Variants in ABCB1 observed in about 807,000 individuals in gnomAD.
ABCB1 encodes ATP-dependent translocase ABCB1.
In ABCB1, 69 loss-of-function variants were observed where a neutral mutation model predicts 142.0. The ratio of observed to expected loss-of-function variants is 0.49; its 90% CI spans 0.40 to 0.59. The LOEUF is 0.59. ABCB1 is among the 20% of genes least tolerant of loss of function. The pLI, the probability that ABCB1 is intolerant of heterozygous loss-of-function variation, is 0.00. For missense variants in ABCB1, 1,326 were observed against 1,554.7 expected, an observed-to-expected ratio of 0.85 and a Z score of 2.47; for synonymous variants, 532 against 539.2, an observed-to-expected ratio of 0.99 and a Z score of 0.18.
At chr7:87,641,684 A>T (rs982935513) in intron 1 of ABCB1, among the ~76,000 whole-genome samples, 1 of 152,212 alleles carries the variant, frequency 6.6e-6, no homozygotes, top group East Asian at 1.9e-4. Context: ...TTCAAAAACA[A>T]ATCCTCCAAA....
intron 1 of ABCB1, among the ~76,000 whole-genome samples, chr7:87,673,039 G>C (rs1585061229): frequency 6.6e-6 from 1 of 152,136 alleles, no homozygotes; most frequent in East Asian, 1.9e-4. Flanking sequence ...GCTGCATTTA[G>C]GACCCCAAAC....
Position 87,690,668 on chromosome 7 carries a change from C to T in ABCB1, c.-331+22493G>A, listed in dbSNP as rs544668991. On this transcript the variant is annotated intron_variant, in intron 1 of 28. Coordinates refer to the ABCB1 transcript ENST00000265724. ...TGTTGCTTCGCTGAAAAATTTTCCTCCTATGTAAATACAAAGTGAAAGATT... is the reference window on the plus strand; with the variant it reads ...TGTTGCTTCGCTGAAAAATTTTCCTTCTATGTAAATACAAAGTGAAAGATT... Among the ~76,000 whole-genome samples the T allele has an allele frequency of 4.6e-5, 7 of 152,176 alleles. No individual in the cohort carries two copies. The East Asian group carries it at 1.4e-3, about 29-fold the overall frequency.
At chr7:87,506,083 A>G (rs1814724376) in intron 26 of ABCB1, 40 bp from the exon 27 acceptor site, 2 of 1,597,274 alleles carry the variant, frequency 1.3e-6, no homozygotes, top group Non-Finnish European at 1.7e-6. Context: ...TAGAACTGAA[A>G]GTAAAGTTCT....
chr7:87,516,779 CA>C, intron 23 of ABCB1, 114 bp from the exon 24 acceptor site: 1 of 1,126,220 alleles, frequency 8.9e-7, no homozygotes, highest in Non-Finnish European at 1.2e-6. Context: ...CTGTGTTGCC[CA>C]GGCTGGAGTG....
chr7:87,616,378 G>T (rs939461082), intron 1 of ABCB1, among the ~76,000 whole-genome samples: 1 of 152,184 alleles, frequency 6.6e-6, no homozygotes, highest in African/African-American at 2.4e-5. Context: ...GGGGAAATAT[G>T]TGATAAGAAG....
At chr7:87,529,513 T>C (rs926661893) in intron 21 of ABCB1, among the ~76,000 whole-genome samples, 1 of 152,158 alleles carries the variant, frequency 6.6e-6, no homozygotes, top group Non-Finnish European at 1.5e-5. Flanking sequence ...TATCCACACA[T>C]AATTCATTTC....
chr7:87,620,009 T>G (rs1445587476), intron 1 of ABCB1, among the ~76,000 whole-genome samples: 1 of 152,174 alleles, frequency 6.6e-6, no homozygotes, highest in African/African-American at 2.4e-5. Flanking sequence ...TTGTGGATTA[T>G]TGAGGGAACA....
intron 4 of ABCB1, among the ~76,000 whole-genome samples, chr7:87,584,353 G>A (rs1401579562): frequency 2.6e-5 from 4 of 152,118 alleles, no homozygotes. Context: ...AAGTTGAAAG[G>A]TCCTTGTAAG....
intron 25 of ABCB1, among the ~76,000 whole-genome samples, chr7:87,511,845 T>A (rs1335736584): frequency 6.6e-6 from 1 of 152,172 alleles, no homozygotes. Context: ...CAGCTTCTAA[T>A]TGTATCCCAA....
chr7:87,700,571 A>C (rs1828942749), intron 1 of ABCB1: 1 of 1,593,098 alleles, frequency 6.3e-7, no homozygotes, highest in African/African-American at 1.4e-5. Flanking sequence ...CATTGGTCAG[A>C]GACTCGTTTC....
upstream of ABCB1, among the ~76,000 whole-genome samples, chr7:87,601,566 T>C (rs776454009): frequency 2.6e-5 from 4 of 152,262 alleles, no homozygotes; most frequent in Non-Finnish European, 4.4e-5. Context: ...AAACATAGCA[T>C]GTTTTAGCAT....
Position 87,549,703 on chromosome 7 carries a change from G to A in ABCB1, c.1554+148C>T, listed in dbSNP as rs560160943. ...AATGTATCTACGACCAGTTGATACT[G>A]CTAGAGCTTTCAAATCTGAAGTAAT... On this transcript the variant is annotated intron_variant, in intron 13 of 27. Coordinates refer to ENST00000622132, the MANE Select transcript of ABCB1 (RefSeq NM_001348946.2). 27 of 1,298,502 alleles carry A rather than the reference G, an allele frequency of 2.1e-5. No homozygotes were observed. In the East Asian group the frequency reaches 3.9e-4, roughly 19 times the overall value. The allele number at this position is 1,298,502 out of a possible 1,614,324, so 80.4% of individuals were successfully genotyped here.
At chr7:87,637,920 A>G (rs1346714779) in intron 1 of ABCB1, among the ~76,000 whole-genome samples, 1 of 152,000 alleles carries the variant, frequency 6.6e-6, no homozygotes, top group East Asian at 1.9e-4. Flanking sequence ...ACTGGCTAGG[A>G]CCACTAATGC....
At chr7:87,506,470 A>G (rs1437784261) in intron 26 of ABCB1, among the ~76,000 whole-genome samples, 1 of 152,218 alleles carries the variant, frequency 6.6e-6, no homozygotes, top group South Asian at 2.1e-4. Flanking sequence ...AATTGAGGAA[A>G]GACATTCTTG....
chr7:87,542,551 C>T (rs1451251427), intron 17 of ABCB1, among the ~76,000 whole-genome samples: 2 of 152,196 alleles, frequency 1.3e-5, no homozygotes, highest in Non-Finnish European at 2.9e-5. Flanking sequence ...TATCCCAGCC[C>T]TGGGTCACTT....
intron 25 of ABCB1, among the ~76,000 whole-genome samples, chr7:87,514,712 A>T (rs1405648152): frequency 6.6e-6 from 1 of 152,142 alleles, no homozygotes; most frequent in Non-Finnish European, 1.5e-5. Flanking sequence ...TCCCCTAATC[A>T]TACTTCAGCC....
At chr7:87,585,458 G>A in intron 4 of ABCB1, 54 bp downstream of exon 4, 1 of 1,576,886 alleles carries the variant, frequency 6.3e-7, no homozygotes, top group Non-Finnish European at 8.7e-7. Flanking sequence ...ATCACTCTAA[G>A]TGCTTGTTTT....
intron 1 of ABCB1, among the ~76,000 whole-genome samples, chr7:87,679,525 G>T (rs190560115): frequency 6.7e-6 from 1 of 149,974 alleles, no homozygotes; most frequent in Non-Finnish European, 1.5e-5. Context: ...GAGTAGCTGG[G>T]ACTACAGGCA....
chr7:87,673,021 A>G (rs1825987716), intron 1 of ABCB1, among the ~76,000 whole-genome samples: 1 of 152,172 alleles, frequency 6.6e-6, no homozygotes, highest in Non-Finnish European at 1.5e-5. Context: ...TTCCTTTTCT[A>G]TAAGAATGCT....
Sources: allele counts gnomAD v4.1 joint callset (sites outside exome capture counted in the v4.1 genomes callset), GRCh38; gene constraint gnomAD v4.1.1; transcripts MANE v1.5; gene names NCBI Gene and HGNC (gene_info 2026-07-23, HGNC 2026-07-21).